LRRIQ3: variants seen among roughly 807,000 people sequenced by gnomAD.
LRRIQ3 encodes the protein leucine rich repeats and IQ motif containing 3, also known as leucine-rich repeat and IQ domain-containing protein 3.
In LRRIQ3, 75 loss-of-function variants were observed where a neutral mutation model predicts 59.3. That is an observed-to-expected ratio of 1.26 (90% CI 1.05 to 1.53). LRRIQ3 has a LOEUF of 1.53. Ranked by LOEUF, LRRIQ3 falls within the 40% of genes most tolerant of loss-of-function variation. The pLI is 0.00. For synonymous variants in LRRIQ3, 250 were observed against 231.3 expected (o/e 1.08, Z -0.73); for missense variants, 831 against 710.0 (o/e 1.17, Z -1.94).
chr1:74,107,079 T>C (rs10047208), intron 5 of LRRIQ3, among the ~76,000 whole-genome samples: 129,135 of 151,910 alleles, frequency 0.85, 55,760 homozygotes, highest in East Asian at 0.97. Context: ...TTTATTTGAA[T>C]ATCTAGTTTT....
chr1:74,087,116 T>G (rs1180895761), intron 5 of LRRIQ3, among the ~76,000 whole-genome samples: 2 of 152,054 alleles, frequency 1.3e-5, no homozygotes, highest in African/African-American at 4.8e-5. Flanking sequence ...ACTCCACAAC[T>G]CCACATATGG....
At chr1:74,149,638 T>G (rs756334261) in intron 4 of LRRIQ3, among the ~76,000 whole-genome samples, 2 of 152,204 alleles carry the variant, frequency 1.3e-5, no homozygotes, top group Non-Finnish European at 2.9e-5. Flanking sequence ...TCATGTTTAT[T>G]GTATATTTGT....
rs191376635 is a variant in LRRIQ3, at chr1:74,185,804, G to A, written c.1-2120C>T. Among the ~76,000 whole-genome samples, 555 of 151,930 alleles carry A rather than the reference G, an allele frequency of 3.7e-3. 5 individuals are homozygous for A. Among genetic ancestry groups the A allele is most frequent in the African/African-American group, 0.013 (524 of 41,442 alleles). ...TAAAAATACAAAAAATTAGCCGGAC[G>A]TGGTGGCGGGCGCCTGTGGTCCCAG... On this transcript the variant is annotated intron_variant, in intron 1 of 7. Transcript: ENST00000354431.
intron 4 of LRRIQ3, among the ~76,000 whole-genome samples, chr1:74,132,752 A>G (rs1647047109): frequency 6.6e-6 from 1 of 152,212 alleles, no homozygotes; most frequent in Admixed American, 6.5e-5. Context: ...ACCTAAAACC[A>G]TAAAAACCCT....
At chr1:74,032,908 A>C (rs1051774582) in intron 7 of LRRIQ3, among the ~76,000 whole-genome samples, 4 of 152,056 alleles carry the variant, frequency 2.6e-5, no homozygotes, top group African/African-American at 9.6e-5. Context: ...AAACCTAATC[A>C]TGAGACAGCA....
intron 4 of LRRIQ3, among the ~76,000 whole-genome samples, chr1:74,123,945 T>G (rs1646898543): frequency 6.6e-6 from 1 of 151,870 alleles, no homozygotes; most frequent in African/African-American, 2.4e-5. Context: ...CAAATTATAC[T>G]ACAGAGATAT....
In LRRIQ3 at chr1:74,109,441, A is replaced by G. The variant is rs749763239; in HGVS notation, c.820T>C (p.Phe274Leu). The G allele has an allele frequency of 1.5e-5, 24 of 1,569,758 alleles. No individual in the cohort carries two copies. In the East Asian group the frequency reaches 4.6e-4, roughly 30 times the overall value. Reference protein sequence around the residue: ...YEDKLLKDLFFKPETNIKGKL... With the variant: ...YEDKLLKDLFLKPETNIKGKL... The stretch of plus-strand genomic sequence containing the variant: ...CCTTTTATATTAGTTTCAGGTTTGA[A>G]AAAGAGATCCTTAAGGAGCTTATCT... Residue 274 changes from phenylalanine (F) to leucine (L), a missense_variant, in exon 5 of 8, where the codon TTC becomes CTC. By Grantham distance (22) the Phe-to-Leu change is conservative (BLOSUM62 0). Transcript: ENST00000354431.
intron 1 of LRRIQ3, among the ~76,000 whole-genome samples, chr1:74,187,614 A>T (rs538903993): frequency 2.0e-5 from 3 of 152,268 alleles, no homozygotes; most frequent in African/African-American, 7.2e-5. Flanking sequence ...CGAGGTATAG[A>T]AGACTACATA....
At chr1:74,061,569 A>T (rs1485818576) in intron 6 of LRRIQ3, among the ~76,000 whole-genome samples, 1 of 152,072 alleles carries the variant, frequency 6.6e-6, no homozygotes, top group African/African-American at 2.4e-5. Context: ...TGAAAACTCG[A>T]CCACTTCCTT....
intron 3 of LRRIQ3, among the ~76,000 whole-genome samples, chr1:74,164,570 A>G (rs1387243766): frequency 6.6e-6 from 1 of 151,552 alleles, no homozygotes; most frequent in Non-Finnish European, 1.5e-5. Flanking sequence ...TAGCAAACAA[A>G]TACATAGAGT....
chr1:74,106,741 T>G (rs1646619820), intron 5 of LRRIQ3, among the ~76,000 whole-genome samples: 1 of 152,014 alleles, frequency 6.6e-6, no homozygotes, highest in South Asian at 2.1e-4. Flanking sequence ...TTAAATATCC[T>G]TAGGCATCCT....
intron 5 of LRRIQ3, among the ~76,000 whole-genome samples, chr1:74,106,943 G>C (rs557911780): frequency 4.6e-5 from 7 of 152,038 alleles, no homozygotes; most frequent in African/African-American, 1.7e-4. Flanking sequence ...TGTCTAGGAA[G>C]TGTTCCACAT....
At position 74,129,040 on chromosome 1, in the gene LRRIQ3, T is replaced by A. The variant is rs529113065; in HGVS notation, c.708-19487A>T. 2.6e-5 allele frequency among the ~76,000 whole-genome samples: 4 copies of A among 152,216 alleles called. No homozygotes were observed. In the East Asian group the frequency reaches 7.8e-4, roughly 30 times the overall value. ...TCCCTGTGGCCACCACCACTGGAAC[T>A]GTGCTAGGTCAGATCTAAAGCCAGC... On this transcript the variant is annotated intron_variant, in intron 4 of 7. Transcript: ENST00000354431.
At chr1:74,070,018 C>T (rs1270553902) in intron 6 of LRRIQ3, among the ~76,000 whole-genome samples, 2 of 151,866 alleles carry the variant, frequency 1.3e-5, no homozygotes, top group African/African-American at 2.4e-5. Context: ...GTTTATACAC[C>T]GCTGATGGGA....
intron 4 of LRRIQ3, among the ~76,000 whole-genome samples, chr1:74,111,205 GAAAA>G (rs199837069): frequency 6.9e-6 from 1 of 145,770 alleles, no homozygotes; most frequent in Non-Finnish European, 1.5e-5. Context: ...CCTGTGAAGA[GAAAA>G]AAAAAAGTTT....
At chr1:74,165,678 T>C (rs1166617921) in intron 3 of LRRIQ3, among the ~76,000 whole-genome samples, 1 of 151,654 alleles carries the variant, frequency 6.6e-6, no homozygotes. Flanking sequence ...GGGAAAAGTG[T>C]TCTTTCACCA....
chr1:74,113,878 G>A (rs1048514967), intron 4 of LRRIQ3, among the ~76,000 whole-genome samples: 2 of 151,560 alleles, frequency 1.3e-5, no homozygotes, highest in Non-Finnish European at 2.9e-5. Flanking sequence ...TTATTAATGG[G>A]TATAAATGCA....
At chr1:74,058,309 G>T (rs551967150) in intron 6 of LRRIQ3, among the ~76,000 whole-genome samples, 1 of 151,946 alleles carries the variant, frequency 6.6e-6, no homozygotes, top group African/African-American at 2.4e-5. Context: ...GCCAAGAAAT[G>T]GAATAAACCT....
chr1:74,193,928 T>C (rs1185223506), intron 1 of LRRIQ3, among the ~76,000 whole-genome samples: 4 of 152,192 alleles, frequency 2.6e-5, no homozygotes, highest in African/African-American at 9.6e-5. Flanking sequence ...TAACATTTTA[T>C]ACATATTGTG....
Sources: allele counts gnomAD v4.1 joint callset (sites outside exome capture counted in the v4.1 genomes callset), GRCh38; gene constraint gnomAD v4.1.1; transcripts MANE v1.5; gene names NCBI Gene and HGNC (gene_info 2026-07-23, HGNC 2026-07-21).